Variants in MTF1 observed in about 807,000 individuals in gnomAD.
The protein encoded by MTF1 is MRE-binding transcription factor.
A neutral mutation model predicts 70.4 loss-of-function variants in MTF1; 22 were observed. The observed-to-expected ratio is 0.31, with a 90% CI of 0.22 to 0.45. MTF1 has a LOEUF of 0.45. MTF1 is among the 20% of genes least tolerant of loss of function. The pLI, the probability that MTF1 is intolerant of heterozygous loss-of-function variation, is 1.00. For synonymous variants in MTF1, 333 were observed against 352.8 expected, an observed-to-expected ratio of 0.94 and a Z score of 0.63; for missense variants, 649 against 922.0, an observed-to-expected ratio of 0.70 and a Z score of 3.83.
At position 37,831,491 on chromosome 1, in the gene MTF1, G is replaced by C. The variant is rs372235369; in HGVS notation, c.1068+754C>G. On this transcript the variant is annotated intron_variant, in intron 7 of 10. Transcript: ENST00000373036. ...TAGCCTATGCTATATTTATTTACCA[G>C]GAAAAACGACAACAAAAAACCCAAA... Among the ~76,000 whole-genome samples, 7 of 152,208 alleles carry C rather than the reference G, an allele frequency of 4.6e-5. No individual in the cohort carries two copies. The East Asian group carries it at 1.2e-3, about 25-fold the overall frequency.
chr1:37,834,316 T>C (rs964670728), intron 6 of MTF1, among the ~76,000 whole-genome samples: 5 of 146,930 alleles, frequency 3.4e-5, no homozygotes, highest in African/African-American at 1.2e-4. Flanking sequence ...AAGACTGACT[T>C]TTACTTCAAG....
At chr1:37,826,312 G>T (rs1641000910) in intron 7 of MTF1, among the ~76,000 whole-genome samples, 1 of 151,920 alleles carries the variant, frequency 6.6e-6, no homozygotes, top group Non-Finnish European at 1.5e-5. Flanking sequence ...TTTCAGACGG[G>T]GTCTAGCTCT....
In MTF1 at chr1:37,832,322, C is replaced by T; in HGVS notation, c.991G>A (p.Asp331Asn). 6.2e-7 allele frequency: 1 copy of T among 1,606,118 alleles called. No individual in the cohort carries two copies. The highest frequency in any genetic ancestry group is 8.5e-7 in the Non-Finnish European group (1 of 1,174,738). Residue 331 changes from aspartate (D) to asparagine (N), a missense_variant and splice_region_variant, in exon 7 of 11, where the codon GAT (aspartate) becomes AAT (asparagine). This residue lies in a region of MTF1 where 267 missense variants were observed against 292.1 expected (regional missense o/e 0.91). Transcript: ENST00000373036. ...NALPQHNGSEDTNHSLCLSDL... is the reference protein window; with the variant it reads ...NALPQHNGSENTNHSLCLSDL... ...CTTAGACAAAGTGAGTGATTTGTATCCTGTGAAAGAGAAAAAATTCTAATT... is the reference window on the plus strand; with the variant it reads ...CTTAGACAAAGTGAGTGATTTGTATTCTGTGAAAGAGAAAAAATTCTAATT...
At chr1:37,850,532 TGAGA>T (rs1159727700) in intron 2 of MTF1, among the ~76,000 whole-genome samples, 4 of 129,832 alleles carry the variant, frequency 3.1e-5, no homozygotes, top group Admixed American at 2.5e-4. Flanking sequence ...AGGAAGGGAA[TGAGA>T]GAGAGAAAGA....
chr1:37,851,662 C>T (rs949436037), intron 2 of MTF1, among the ~76,000 whole-genome samples: 5 of 152,218 alleles, frequency 3.3e-5, no homozygotes, highest in Non-Finnish European at 7.3e-5. Flanking sequence ...CAACAAATTT[C>T]TGTCTTGGTT....
chr1:37,857,430 C>A lies in MTF1; in HGVS notation c.229G>T (p.Gly77Cys), dbSNP rs768201872. ...CGEHLPFLVG[G>C]EEGFHLIDHE... is the part of the protein sequence containing the mutation. Reference sequence around the variant, plus strand: ...TCTATCAGGTGAAAGCCCTCTTCACCCCCTACTAGAAAAGGCAAGTGTTCT... The same window carrying A: ...TCTATCAGGTGAAAGCCCTCTTCACACCCTACTAGAAAAGGCAAGTGTTCT... Residue 77 changes from glycine to cysteine, a missense_variant, in exon 2 of 11, where the codon GGT (glycine) becomes TGT (cysteine). By Grantham distance (159) the Gly-to-Cys change is radical. This residue lies in a region of MTF1 where 44 missense variants were observed against 38.1 expected (regional missense o/e 1.15). Coordinates refer to ENST00000373036, the MANE Select transcript of MTF1 (RefSeq NM_005955.3). 3.1e-6 allele frequency: 5 copies of A among 1,614,148 alleles called. No homozygotes were observed. Among genetic ancestry groups the A allele is most frequent in the South Asian group, 1.1e-5 (1 of 91,086 alleles).
chr1:37,844,038 C>G (rs1272070432), intron 2 of MTF1, among the ~76,000 whole-genome samples: 5 of 152,246 alleles, frequency 3.3e-5, no homozygotes, highest in Admixed American at 3.3e-4. Context: ...ATTCTTCTCA[C>G]GTCTCAGGAC....
At chr1:37,849,999 T>A (rs1641391702) in intron 2 of MTF1, among the ~76,000 whole-genome samples, 1 of 152,106 alleles carries the variant, frequency 6.6e-6, no homozygotes, top group Admixed American at 6.5e-5. Flanking sequence ...TCACAATACT[T>A]TGGGAGGCCA....
chr1:37,835,039 T>C (rs1433106628), intron 6 of MTF1, 40 bp downstream of exon 6: 3 of 1,604,320 alleles, frequency 1.9e-6, no homozygotes, highest in South Asian at 2.2e-5. Flanking sequence ...ACTGTTGAAG[T>C]TCTATGGTAC....
chr1:37,857,224 T>G (rs750252164), intron 2 of MTF1, 27 bp downstream of exon 2: 1 of 1,592,402 alleles, frequency 6.3e-7, no homozygotes, highest in Admixed American at 1.7e-5. Flanking sequence ...AAAACCAAAC[T>G]AGGCCCTCAC....
intron 2 of MTF1, among the ~76,000 whole-genome samples, chr1:37,853,877 C>T (rs1199961558): frequency 2.0e-5 from 3 of 152,212 alleles, no homozygotes; most frequent in Non-Finnish European, 4.4e-5. Context: ...TCGACTACCA[C>T]AATCATTTGC....
chr1:37,854,169 G>A (rs1314518338), intron 2 of MTF1, among the ~76,000 whole-genome samples: 2 of 152,044 alleles, frequency 1.3e-5, no homozygotes, highest in South Asian at 2.1e-4. Flanking sequence ...CACCACGCCC[G>A]GCTAATTTTT....
rs3748803 is a variant in MTF1 at position 37,815,694 on chromosome 1, C to T, written c.1832-128G>A. Reference sequence around the variant, plus strand: ...CATGGGAAGGATGGTTGCCACACTTCGGGCTTCGTTCTGCTTTAAATTGGA... The same window carrying T: ...CATGGGAAGGATGGTTGCCACACTTTGGGCTTCGTTCTGCTTTAAATTGGA... On this transcript the variant is annotated intron_variant, in intron 10 of 10. Transcript: ENST00000373036. The surrounding 1 kb of genome is among the most constrained non-coding windows in gnomAD (Gnocchi z 4.5). 28 of 673,568 alleles carry T rather than the reference C, an allele frequency of 4.2e-5. No homozygotes were observed. Among genetic ancestry groups the T allele is most frequent in the African/African-American group, 5.3e-5 (3 of 56,370 alleles). The allele number at this position is 673,568 out of a possible 1,614,324, so 41.7% of individuals were successfully genotyped here. A position where few individuals can be genotyped will look rare whatever the true frequency, so the allele number is the denominator to read the frequency against.
At chr1:37,816,384 G>C (rs956759904) in intron 10 of MTF1, among the ~76,000 whole-genome samples, 7 of 151,842 alleles carry the variant, frequency 4.6e-5, no homozygotes, top group Admixed American at 3.9e-4. Context: ...ACATAATAAA[G>C]AAAAATTAGG....
intron 9 of MTF1, among the ~76,000 whole-genome samples, chr1:37,820,471 C>T (rs1267602811): frequency 2.0e-5 from 3 of 152,226 alleles, no homozygotes; most frequent in East Asian, 1.9e-4. Flanking sequence ...AGTCACTTAA[C>T]CTCTCTGGAC....
At chr1:37,832,544 A>G (rs1264603432) in intron 6 of MTF1, among the ~76,000 whole-genome samples, 1 of 152,180 alleles carries the variant, frequency 6.6e-6, no homozygotes, top group Non-Finnish European at 1.5e-5. Context: ...GGTTTGTTAC[A>G]TTATGTATAC....
intron 10 of MTF1, among the ~76,000 whole-genome samples, chr1:37,816,293 T>C (rs1640817617): frequency 6.6e-6 from 1 of 152,166 alleles, no homozygotes; most frequent in African/African-American, 2.4e-5. Context: ...CCCTGTACTT[T>C]GGGAGACTGA....
intron 2 of MTF1, among the ~76,000 whole-genome samples, chr1:37,856,241 G>T (rs576050806): frequency 1.7e-5 from 2 of 120,310 alleles, no homozygotes; most frequent in Non-Finnish European, 3.2e-5. Context: ...GCAGTGGCAC[G>T]ATCTTGGCTC....
chr1:37,858,498 T>C (rs1341912632), intron 1 of MTF1: 2 of 152,188 alleles, frequency 1.3e-5, no homozygotes, highest in Non-Finnish European at 2.9e-5. Context: ...CTAGAACAGA[T>C]GTTTCAACCT....
Sources: allele counts gnomAD v4.1 joint callset (sites outside exome capture counted in the v4.1 genomes callset), GRCh38; gene constraint gnomAD v4.1.1; regional missense constraint gnomAD v4.1.1; non-coding constraint Gnocchi (gnomAD v3.1); transcripts MANE v1.5; gene names NCBI Gene and HGNC (gene_info 2026-07-23, HGNC 2026-07-21).